Variants in PCNX1 observed in about 807,000 individuals in gnomAD.
PCNX1 encodes pecanex 1, also known as pecanex-like protein 1.
Under a neutral mutation model 242.2 loss-of-function variants are expected in PCNX1, and 78 were observed. That is an observed-to-expected ratio of 0.32 (90% confidence interval 0.27 to 0.39). The LOEUF (loss-of-function observed/expected upper bound fraction) is 0.39, where lower values mean the gene tolerates loss of function less well. Ranked by LOEUF, PCNX1 falls within the 10% of genes least tolerant of loss-of-function variation. PCNX1 has a pLI of 1.00. For synonymous variants in PCNX1, 1,024 were observed against 1,032.9 expected (o/e 0.99, Z 0.17); for missense variants, 2,581 against 2,856.5 (o/e 0.90, Z 2.20).
intron 27 of PCNX1, 46 bp downstream of exon 27, chr14:71,073,844 T>C (rs1179131310): frequency 6.9e-7 from 1 of 1,449,152 alleles, no homozygotes; most frequent in South Asian, 1.5e-5. Context: ...CAGAGTTTCT[T>C]CTTGGGAATG....
chr14:70,952,581 A>T (rs539879057), intron 2 of PCNX1, among the ~76,000 whole-genome samples: 1 of 150,550 alleles, frequency 6.6e-6, no homozygotes, highest in African/African-American at 2.4e-5. Flanking sequence ...TCTATGAGAG[A>T]TTTTTTTTTT....
intron 1 of PCNX1, among the ~76,000 whole-genome samples, chr14:70,932,650 T>C (rs938728926): frequency 3.3e-5 from 5 of 152,098 alleles, no homozygotes; most frequent in Non-Finnish European, 7.4e-5. Context: ...TTCGCTCTTG[T>C]TGCCCAGGCT....
At chr14:71,032,034 TA>T in intron 16 of PCNX1, 1 of 824,562 alleles carries the variant, frequency 1.2e-6, no homozygotes, top group Non-Finnish European at 2.1e-6. Flanking sequence ...GGAGTGGGTT[TA>T]AGAGTGGAAA....
chr14:70,978,746 C>T, intron 6 of PCNX1, 98 bp downstream of exon 6: 1 of 1,045,522 alleles, frequency 9.6e-7, no homozygotes, highest in Non-Finnish European at 1.4e-6. Context: ...GTTAATATTC[C>T]CCCTTCCACT....
chr14:70,973,831 T>C (rs1428632100), intron 5 of PCNX1, among the ~76,000 whole-genome samples: 1 of 152,132 alleles, frequency 6.6e-6, no homozygotes, highest in Non-Finnish European at 1.5e-5. Flanking sequence ...TGATAAACTT[T>C]TTTTTGCATA....
intron 7 of PCNX1, among the ~76,000 whole-genome samples, chr14:70,989,682 A>C (rs1453174267): frequency 6.6e-6 from 1 of 151,710 alleles, no homozygotes; most frequent in Non-Finnish European, 1.5e-5. Context: ...GGTGCATACC[A>C]CCCTGCCTGG....
At chr14:70,966,638 A>G (rs376913269) in intron 3 of PCNX1, among the ~76,000 whole-genome samples, 29 of 152,342 alleles carry the variant, frequency 1.9e-4, no homozygotes, top group East Asian at 9.6e-4. Context: ...TGTATGACCA[A>G]TTTTGGAACA....
chr14:70,972,185 G>A (rs796343614), intron 5 of PCNX1, among the ~76,000 whole-genome samples: 5 of 151,772 alleles, frequency 3.3e-5, no homozygotes, highest in African/African-American at 1.2e-4. Flanking sequence ...AGGCTTTTGA[G>A]TTACGCATCA....
intron 30 of PCNX1, among the ~76,000 whole-genome samples, chr14:71,101,196 C>T (rs1595506729): frequency 6.6e-6 from 1 of 152,266 alleles, no homozygotes; most frequent in East Asian, 1.9e-4. Flanking sequence ...GTCAGCCTCC[C>T]AACTATAAAT....
At position 70,957,027 on chromosome 14, in the gene PCNX1, G is replaced by T. The variant is rs188284866; in HGVS notation, c.363-5199G>T. Among the ~76,000 whole-genome samples, 12 of 151,912 alleles carry T rather than the reference G, an allele frequency of 7.9e-5. No homozygotes were observed. In the East Asian group the frequency reaches 2.3e-3, roughly 29 times the overall value. On this transcript the variant is annotated intron_variant, in intron 2 of 35. Transcript: ENST00000304743. ...TATTATTATTTTGAGACAGGGTCTT[G>T]CTCTGTTGCCCAGGCTGGAGTGCAG...
intron 1 of PCNX1, among the ~76,000 whole-genome samples, chr14:70,917,871 T>C (rs2056212982): frequency 6.6e-6 from 1 of 152,242 alleles, no homozygotes; most frequent in South Asian, 2.1e-4. Flanking sequence ...AAAAATCTGT[T>C]GTTTGGTGTA....
Position 70,969,094 on chromosome 14 carries a change from A to G in PCNX1, c.588A>G (p.Glu196=). ...SLGQSSSLCK[E]GSEEQDLAAD... is the part of the protein sequence containing the mutation. Reference sequence around the variant, plus strand: ...GCCAAAGTTCTAGTCTTTGTAAGGAAGGAAGTGAAGAACAAGGTAAGAACG... The same window carrying G: ...GCCAAAGTTCTAGTCTTTGTAAGGAGGGAAGTGAAGAACAAGGTAAGAACG... Residue 196 remains glutamate, a synonymous_variant, in exon 5 of 36, where the codon GAA becomes GAG. Coordinates refer to ENST00000304743, the MANE Select transcript of PCNX1 (RefSeq NM_014982.3). 1 of 1,601,196 alleles carries G rather than the reference A, an allele frequency of 6.2e-7. No individual in the cohort carries two copies. Among genetic ancestry groups the G allele is most frequent in the East Asian group, 2.2e-5 (1 of 44,736 alleles).
In PCNX1 at chr14:71,019,023, T is replaced by C; in HGVS notation, c.3011T>C (p.Leu1004Pro). 6.2e-7 allele frequency: 1 copy of C among 1,611,820 alleles called. No homozygotes were observed. The highest frequency in any genetic ancestry group is 8.5e-7 in the Non-Finnish European group (1 of 1,179,030). The change falls in exon 12 of 36, where the codon CTG becomes CCG. Residue 1004 changes from leucine (L) to proline (P), a missense_variant. By Grantham distance (98) the Leu-to-Pro change is moderately conservative. Coordinates refer to ENST00000304743, the MANE Select transcript of PCNX1 (RefSeq NM_014982.3). ...TCTGTCCGTAGAAATCGTGAGATCC[T>C]GGAAAATGTGTTAGCTGTCATCCTG... is the stretch of plus-strand genomic sequence containing the variant. Reference protein sequence around the residue: ...LALFDRNREILENVLAVILAI... With the variant: ...LALFDRNREIPENVLAVILAI...
intron 1 of PCNX1, among the ~76,000 whole-genome samples, chr14:70,929,667 A>G (rs1018349987): frequency 1.3e-5 from 2 of 152,228 alleles, no homozygotes; most frequent in African/African-American, 4.8e-5. Context: ...AATTAAGTAC[A>G]AATGGACATT....
Position 71,076,339 on chromosome 14 carries a change from C to A in PCNX1, c.5257C>A (p.Arg1753=). Reference sequence around the variant, plus strand: ...AAACATTGATGAAGACTATGACCACCGACTGGCAGGCATATCTAGGGAGAG... The same window carrying A: ...AAACATTGATGAAGACTATGACCACAGACTGGCAGGCATATCTAGGGAGAG... ...NPNIDEDYDH[R]LAGISRESFC... Residue 1753 remains arginine, a synonymous_variant, in exon 28 of 36, where the codon CGA becomes AGA. Coordinates refer to ENST00000304743, the MANE Select transcript of PCNX1 (RefSeq NM_014982.3). 1 of 1,613,802 alleles carries A rather than the reference C, an allele frequency of 6.2e-7. No homozygotes were observed. Among genetic ancestry groups the A allele is most frequent in the Non-Finnish European group, 8.5e-7 (1 of 1,179,778 alleles).
rs759449665 is a variant in PCNX1 at position 71,026,285 on chromosome 14, A to G, written c.3352A>G (p.Ile1118Val). ...LVFISARDLV[I>V]VFTLCFPIVF... ...GTTTATATCAGCCAGGGATTTAGTT[A>G]TAGGTGAGTCATCTTAAAGTATCTC... The change falls in exon 14 of 36, where the codon ATA becomes GTA. Residue 1118 changes from isoleucine (I) to valine (V), a missense_variant. Around this residue, in one of 9 missense-constraint regions of PCNX1, gnomAD observed 432 missense variants for 443.1 expected, o/e 0.97. Transcript: ENST00000304743. 1.9e-6 allele frequency: 3 copies of G among 1,575,700 alleles called. No homozygotes were observed. The highest frequency in any genetic ancestry group is 1.7e-5 in the Admixed American group (1 of 57,214).
chr14:70,940,030 T>G (rs2140242026), intron 1 of PCNX1, among the ~76,000 whole-genome samples: 1 of 152,346 alleles, frequency 6.6e-6, no homozygotes, highest in South Asian at 2.1e-4. Context: ...TCCCTGCACA[T>G]GAGATGGGTC....
chr14:71,003,080 C>CTTTTTTTTTTTTTTTTTTTTTTTT lies in PCNX1; in HGVS notation c.2630-6534_2630-6533insTTTTTTTTTTTTTTTTTTTTTTTT, dbSNP rs3083307. ...TAAAAATCGGGTTGTTGGTTGTCTTCTTTTTTTTTTTTTTTTTTTTGAGAC... is the reference window on the plus strand; with the variant it reads ...TAAAAATCGGGTTGTTGGTTGTCTTCTTTTTTTTTTTTTTTTTTTTTTTTTTTTTTTTTTTTTTTTTTTTGAGAC... On this transcript the variant is annotated intron_variant, in intron 8 of 35. Coordinates refer to ENST00000304743, the MANE Select transcript of PCNX1 (RefSeq NM_014982.3). Among the ~76,000 whole-genome samples the CTTTTTTTTTTTTTTTTTTTTTTTT allele has an allele frequency of 2.5e-4, 24 of 95,474 alleles. 2 individuals are homozygous for CTTTTTTTTTTTTTTTTTTTTTTTT. The highest frequency in any genetic ancestry group is 9.4e-4 in the African/African-American group (20 of 21,262). The allele number at this position is 95,474 out of a possible 152,430, so 62.6% of individuals were successfully genotyped here.
chr14:70,977,708 A>G lies in PCNX1; in HGVS notation c.1371A>G (p.Glu457=). The G allele has an allele frequency of 1.2e-6, 2 of 1,614,154 alleles. No individual in the cohort carries two copies. The highest frequency in any genetic ancestry group is 1.7e-6 in the Non-Finnish European group (2 of 1,180,016). ...KRTSSEKIAM[E]ASTNSGVHEA... is the part of the protein sequence containing the mutation. ...CTAGCAGTGAAAAGATTGCTATGGA[A>G]GCGAGTACCAACAGTGGGGTTCACG... The change falls in exon 6 of 36, where the codon GAA becomes GAG. Residue 457 remains glutamate (E), a synonymous_variant. Coordinates refer to ENST00000304743, the MANE Select transcript of PCNX1 (RefSeq NM_014982.3).
Sources: gnomAD v4.1 joint callset for allele counts (sites outside exome capture counted in the v4.1 genomes callset) on GRCh38, gnomAD v4.1.1 for gene constraint, gnomAD v4.1.1 regional missense constraint, MANE v1.5 for transcripts, NCBI Gene and HGNC (gene_info 2026-07-23, HGNC 2026-07-21) for gene names.